The following ADGRL3 variants were observed in gnomAD, a reference collection of about 807,000 sequenced individuals.
ADGRL3 encodes adhesion G protein-coupled receptor L3, also known as calcium-independent alpha-latrotoxin receptor 3.
A neutral mutation model predicts 153.5 loss-of-function variants in ADGRL3; 62 were observed. The ratio of observed to expected loss-of-function variants is 0.40; its 90% confidence interval spans 0.33 to 0.50. The LOEUF (loss-of-function observed/expected upper bound fraction) is 0.50, where lower values mean the gene tolerates loss of function less well. Ranked by LOEUF, ADGRL3 falls within the 20% of genes least tolerant of loss-of-function variation. The probability of loss-of-function intolerance (pLI) is 0.47; values close to 1 mark genes in which losing one functional copy is unlikely to be tolerated. For missense variants in ADGRL3, 1,641 were observed against 1,859.4 expected, an observed-to-expected ratio of 0.88 and a Z score of 2.16; for synonymous variants, 710 against 672.5, an observed-to-expected ratio of 1.06 and a Z score of -0.86.
chr4:61,983,784 A>G (rs1474508442), intron 19 of ADGRL3, among the ~76,000 whole-genome samples, 181 bp downstream of exon 19: 1 of 152,216 alleles, frequency 6.6e-6, no homozygotes, highest in East Asian at 1.9e-4. Flanking sequence ...GAGACTTATC[A>G]TGATGCTGTT....
chr4:61,382,620 T>C (rs942117885), intron 1 of ADGRL3, among the ~76,000 whole-genome samples: 1 of 151,804 alleles, frequency 6.6e-6, no homozygotes, highest in Admixed American at 6.6e-5. Flanking sequence ...TTTAGATTAT[T>C]GTGAATAAAT....
chr4:61,714,218 T>TACGCGCACACACACACAC (rs1554010613), intron 6 of ADGRL3, among the ~76,000 whole-genome samples: 4,074 of 128,972 alleles, frequency 0.032, 204 homozygotes, highest in African/African-American at 0.11. Flanking sequence ...CCATGTAAAA[T>TACGCGCACACACACACAC]ACGCACACAC....
At chr4:61,429,906 G>A (rs2097334603) in intron 2 of ADGRL3, among the ~76,000 whole-genome samples, 1 of 151,972 alleles carries the variant, frequency 6.6e-6, no homozygotes, top group African/African-American at 2.4e-5. Flanking sequence ...GGTATTTATG[G>A]GGTAGTTTTT....
intron 2 of ADGRL3, among the ~76,000 whole-genome samples, chr4:61,410,212 G>T (rs886133141): frequency 2.6e-5 from 4 of 152,012 alleles, no homozygotes; most frequent in African/African-American, 9.7e-5. Context: ...AAAATGAGTA[G>T]CATTTGGAGA....
At chr4:62,070,073 G>T (rs745581407) in intron 26 of ADGRL3, 36 bp from the exon 27 acceptor site, 4 of 1,542,698 alleles carry the variant, frequency 2.6e-6, no homozygotes, top group Non-Finnish European at 2.7e-6. Flanking sequence ...TGGCTTGTTG[G>T]ATATAAATGT....
intron 8 of ADGRL3, among the ~76,000 whole-genome samples, chr4:61,737,987 A>G (rs1276212831): frequency 6.6e-6 from 1 of 151,736 alleles, no homozygotes; most frequent in East Asian, 1.9e-4. Context: ...TACATGAGTA[A>G]GTTTTTTAGT....
intron 17 of ADGRL3, among the ~76,000 whole-genome samples, chr4:61,960,911 T>C: frequency 6.6e-6 from 1 of 152,134 alleles, no homozygotes; most frequent in East Asian, 1.9e-4. Context: ...GGTTTCACCA[T>C]TTTGGCCAGG....
intron 8 of ADGRL3, among the ~76,000 whole-genome samples, chr4:61,765,281 G>A (rs913166028): frequency 2.0e-5 from 3 of 152,064 alleles, no homozygotes; most frequent in Admixed American, 2.0e-4. Context: ...TTGGGGCACA[G>A]TCTAAGTTGG....
intron 13 of ADGRL3, among the ~76,000 whole-genome samples, chr4:61,921,649 A>G (rs1290143991): frequency 1.3e-5 from 2 of 152,106 alleles, no homozygotes; most frequent in African/African-American, 2.4e-5. Flanking sequence ...CTCGTGATTC[A>G]TCTGCCTCGG....
Position 61,872,853 on chromosome 4 carries a change from G to A in ADGRL3, c.1481-19803G>A, listed in dbSNP as rs2098453801. 2.0e-5 allele frequency among the ~76,000 whole-genome samples: 3 copies of A among 152,044 alleles called. 1 individual carries two copies. The highest frequency in any genetic ancestry group is 2.0e-4 in the Admixed American group (3 of 15,270). On this transcript the variant is annotated intron_variant, in intron 9 of 26. Transcript: ENST00000683033. ...TATTTGGTTTGAAATTATTATTTAG[G>A]CCAAAAATTGTGAACCTAAACTGAT...
At chr4:61,417,117 C>A (rs1014146915) in intron 2 of ADGRL3, among the ~76,000 whole-genome samples, 1 of 152,174 alleles carries the variant, frequency 6.6e-6, no homozygotes, top group Non-Finnish European at 1.5e-5. Flanking sequence ...TTGCCTGCTG[C>A]TCACCTCCTG....
chr4:61,795,561 A>G (rs1003631548), intron 8 of ADGRL3, among the ~76,000 whole-genome samples: 3 of 152,190 alleles, frequency 2.0e-5, no homozygotes, highest in Non-Finnish European at 4.4e-5. Context: ...GAGAGTATAT[A>G]TTGTACAAGT....
At chr4:61,820,271 A>T (rs1183560747) in intron 9 of ADGRL3, among the ~76,000 whole-genome samples, 1 of 152,152 alleles carries the variant, frequency 6.6e-6, no homozygotes, top group Non-Finnish European at 1.5e-5. Context: ...TTTAAATCTA[A>T]TGTGTTCGTA....
intron 1 of ADGRL3, among the ~76,000 whole-genome samples, chr4:61,377,145 A>T (rs2096613267): frequency 2.0e-5 from 3 of 151,846 alleles, no homozygotes; most frequent in Admixed American, 1.3e-4. Context: ...ATCATATCCT[A>T]TGGTATGGTA....
At position 62,075,496 on chromosome 4, in the gene ADGRL3, C is replaced by A. The variant is rs1746858195; in HGVS notation, c.*4588C>A. 6.6e-6 allele frequency: 1 copy of A among 152,182 alleles called. No individual in the cohort carries two copies. Among genetic ancestry groups the A allele is most frequent in the Admixed American group, 6.6e-5 (1 of 15,256 alleles). 9.4% of individuals were successfully genotyped at this position (152,182 alleles called of 1,614,324 possible). A position where few individuals can be genotyped will look rare whatever the true frequency, so the allele number is the denominator to read the frequency against. On this transcript the variant is annotated 3_prime_UTR_variant, in exon 27 of 27. Transcript: ENST00000683033. ...GAAGATATTGGCATGAATATCCTTT[C>A]TTCTCTAAGAAAATTTTTGAGATAA...
At chr4:61,240,209 G>A (rs563194382) in intron 1 of ADGRL3, among the ~76,000 whole-genome samples, 1 of 152,152 alleles carries the variant, frequency 6.6e-6, no homozygotes, top group South Asian at 2.1e-4. Flanking sequence ...CTGGTGGAAA[G>A]TGGAAGGGCA....
intron 25 of ADGRL3, among the ~76,000 whole-genome samples, chr4:62,064,372 A>G (rs1560572772): frequency 6.6e-6 from 1 of 151,830 alleles, no homozygotes; most frequent in African/African-American, 2.4e-5. Context: ...CTTTAAAACC[A>G]CTTACAATGT....
intron 5 of ADGRL3, among the ~76,000 whole-genome samples, chr4:61,612,493 A>G (rs367662476): frequency 2.0e-5 from 3 of 152,190 alleles, no homozygotes; most frequent in Admixed American, 6.5e-5. Flanking sequence ...AAATACGAGG[A>G]ATCTCTTGAC....
chr4:61,774,136 C>T (rs1388008106), intron 8 of ADGRL3, among the ~76,000 whole-genome samples: 1 of 151,826 alleles, frequency 6.6e-6, no homozygotes, highest in Non-Finnish European at 1.5e-5. Flanking sequence ...AGGAGGATCA[C>T]CTAAGGTCAG....
Sources: allele counts gnomAD v4.1 joint callset (sites outside exome capture counted in the v4.1 genomes callset), GRCh38; gene constraint gnomAD v4.1.1; transcripts MANE v1.5; gene names NCBI Gene and HGNC (gene_info 2026-07-23, HGNC 2026-07-21).